LMF2: variants seen among roughly 807,000 people sequenced by gnomAD.
The protein encoded by LMF2 is lipase maturation factor 2, also known as transmembrane protein 112B.
LMF2 carries 113 observed loss-of-function variants against 81.5 expected under a neutral mutation model. That is an observed-to-expected ratio of 1.39 (90% CI 1.19 to 1.62). LMF2 has a LOEUF of 1.62. LMF2 is among the 40% of genes most tolerant of loss of function. The pLI, the probability that LMF2 is intolerant of heterozygous loss-of-function variation, is 0.00. For synonymous variants in LMF2, 645 were observed against 424.5 expected (o/e 1.52, Z -6.39); for missense variants, 1,235 against 929.1 (o/e 1.33, Z -4.28).
chr22:50,505,107 G>A lies in LMF2; in HGVS notation c.1204C>T (p.Gln402Ter), dbSNP rs145616623. 3.7e-6 allele frequency: 6 copies of A among 1,612,844 alleles called. No individual in the cohort carries two copies. Among genetic ancestry groups the A allele is most frequent in the East Asian group, 4.5e-5 (2 of 44,892 alleles). Residue 402 changes from glutamine to a stop codon, truncating the protein, a stop_gained, in exon 9 of 14, where the codon CAA becomes TAA. Transcript: ENST00000474879. LOFTEE classifies it high-confidence loss of function. ...GWLRKLSAVV[Q>*]LSLVGTATVA... ...GTCGCAGTGCCCACAAGGGACAGTT[G>A]GACTACAGCACTGAGCTTCCGTAGC...
Position 50,504,695 on chromosome 22 carries a change from C to T in LMF2, c.1470G>A (p.Leu490=), listed in dbSNP as rs540637880. 247 of 1,610,070 alleles carry T rather than the reference C, an allele frequency of 1.5e-4. 1 individual carries two copies. The South Asian group carries it at 2.6e-3, about 17-fold the overall frequency. The part of the protein sequence containing the change: ...EIEFMYKPGN[L]SRPPPVVVPH... ...GCACCACAACCGGGGGCGGCCGGCT[C>T]AGGTTCCCAGGCTTGTACATGAACT... is the stretch of plus-strand genomic sequence containing the variant. Residue 490 remains leucine, a synonymous_variant, in exon 11 of 14, where the codon CTG becomes CTA. Coordinates refer to ENST00000474879, the MANE Select transcript of LMF2 (RefSeq NM_033200.3).
Position 50,504,021 on chromosome 22 carries a change from C to A in LMF2, c.1719-117G>T. Reference sequence around the variant, plus strand: ...TCACGCTCCACATCCCCCCCTGGTGCCCGGCCTTACCCCTGCACCCCGGGC... The same window carrying A: ...TCACGCTCCACATCCCCCCCTGGTGACCGGCCTTACCCCTGCACCCCGGGC... On this transcript the variant is annotated intron_variant, in intron 12 of 13. Transcript: ENST00000474879. The A allele has an allele frequency of 4.2e-6, 4 of 960,640 alleles. No individual in the cohort carries two copies. In the South Asian group the frequency reaches 6.4e-5, roughly 15 times the overall value. 59.5% of individuals were successfully genotyped at this position (960,640 alleles called of 1,614,324 possible).
intron 1 of LMF2, 187 bp from the exon 2 acceptor site, chr22:50,507,222 C>G: frequency 3.1e-6 from 3 of 959,496 alleles, no homozygotes; most frequent in Non-Finnish European, 4.5e-6. Context: ...CGTCCCAGGG[C>G]TAGAGGCCTG....
chr22:50,507,422 C>T (rs993107360), intron 1 of LMF2, among the ~76,000 whole-genome samples, 160 bp downstream of exon 1: 1 of 152,164 alleles, frequency 6.6e-6, no homozygotes, highest in Admixed American at 6.5e-5. Flanking sequence ...CACCTTCCTA[C>T]CCCCACAGCG....
rs577262680 is a variant in LMF2 at position 50,506,325 on chromosome 22, G to A, written c.555C>T (p.Val185=). ...LFRLMFASGV[V]KLTSRCPAWW... ...ACGCAGGGCAGCGGCTGGTCAGCTTGACCACGCCTGAGGCGAACATGAGGC... is the reference window on the plus strand; with the variant it reads ...ACGCAGGGCAGCGGCTGGTCAGCTTAACCACGCCTGAGGCGAACATGAGGC... Residue 185 remains valine (V), a synonymous_variant, in exon 4 of 14, where the codon GTC becomes GTT. Coordinates refer to ENST00000474879, the MANE Select transcript of LMF2 (RefSeq NM_033200.3). 5.5e-5 allele frequency: 86 copies of A among 1,549,612 alleles called. No individual in the cohort carries two copies. In the South Asian group the frequency reaches 9.9e-4, roughly 18 times the overall value.
Position 50,506,272 on chromosome 22 carries a change from C to G in LMF2, c.595+13G>C. ...GCCCCCAGACTACCCCAGGTCCAGA[C>G]CGGGCCCCTCACCAGTGAGCCCCCA... On this transcript the variant is annotated intron_variant, in intron 4 of 13. Coordinates refer to ENST00000474879, the MANE Select transcript of LMF2 (RefSeq NM_033200.3). 1.3e-6 allele frequency: 2 copies of G among 1,548,634 alleles called. No homozygotes were observed. The highest frequency in any genetic ancestry group is 1.7e-6 in the Non-Finnish European group (2 of 1,145,926).
rs374635827 is a variant in LMF2, at chr22:50,507,494, C to T, written c.94+88G>A. The T allele has an allele frequency of 2.5e-5, 27 of 1,082,936 alleles. No homozygotes were observed. The East Asian group carries it at 4.7e-4, about 19-fold the overall frequency. 67.1% of individuals were successfully genotyped at this position (1,082,936 alleles called of 1,614,324 possible). A position where few individuals can be genotyped will look rare whatever the true frequency, so the allele number is the denominator to read the frequency against. ...CCAAGGCCTGGCCCTCACTCCCAACCCCGGACTGCGTGAGTGCCGGGCACA... is the reference window on the plus strand; with the variant it reads ...CCAAGGCCTGGCCCTCACTCCCAACTCCGGACTGCGTGAGTGCCGGGCACA... On this transcript the variant is annotated intron_variant, in intron 1 of 13. Transcript: ENST00000474879.
Position 50,505,455 on chromosome 22 carries a change from G to C in LMF2, c.999C>G (p.His333Gln). The change falls in exon 7 of 14, where the codon CAC (histidine) becomes CAG (glutamine). Residue 333 changes from histidine to glutamine, a missense_variant. Coordinates refer to ENST00000474879, the MANE Select transcript of LMF2 (RefSeq NM_033200.3). ...VYGLLAYGTV[H>Q]YFGLEVDWQQ... The stretch of plus-strand genomic sequence containing the variant: ...GCCAGTCAACCTCCAGGCCAAAGTA[G>C]TGCACAGTGCCATAGGCCAGAAGCC... 6.2e-7 allele frequency: 1 copy of C among 1,613,056 alleles called. No homozygotes were observed.
Position 50,506,175 on chromosome 22 carries a change from G to GCGTGGGCAGGCACTGGGTCT in LMF2, c.614_633dup (p.Pro212ArgfsTer30). 1 of 1,563,256 alleles carries GCGTGGGCAGGCACTGGGTCT rather than the reference G, an allele frequency of 6.4e-7. No homozygotes were observed. The highest frequency in any genetic ancestry group is 8.7e-7 in the Non-Finnish European group (1 of 1,153,912). On this transcript the variant is annotated frameshift_variant, in exon 5 of 14. Transcript: ENST00000474879. LOFTEE classifies it high-confidence loss of function. ...AGGTGGTGTGCGAACCAGGCGGCGG[G>GCGTGGGCAGGCACTGGGTCT]CGTGGGCAGGCACTGGGTCTCGTAG...
intron 1 of LMF2, 48 bp from the exon 2 acceptor site, chr22:50,507,083 T>G: frequency 6.5e-7 from 1 of 1,545,706 alleles, no homozygotes; most frequent in Non-Finnish European, 8.7e-7. Context: ...CCTTGCAGAC[T>G]AGACTACCTC....
In LMF2 at chr22:50,505,444, A is replaced by G. The variant is rs747797641; in HGVS notation, c.1010T>C (p.Leu337Pro). The part of the protein sequence containing the change: ...LAYGTVHYFG[L>P]EVDWQQRTIH... ...GGTGCGCTGCTGCCAGTCAACCTCCAGGCCAAAGTAGTGCACAGTGCCATA... is the reference window on the plus strand; with the variant it reads ...GGTGCGCTGCTGCCAGTCAACCTCCGGGCCAAAGTAGTGCACAGTGCCATA... The change falls in exon 7 of 14, where the codon CTG becomes CCG. Residue 337 changes from leucine to proline, a missense_variant. Leu to Pro is a moderately conservative substitution (Grantham distance 98). Coordinates refer to ENST00000474879, the MANE Select transcript of LMF2 (RefSeq NM_033200.3). 2.6e-5 allele frequency: 42 copies of G among 1,613,066 alleles called. No homozygotes were observed. Among genetic ancestry groups the G allele is most frequent in the Non-Finnish European group, 3.5e-5 (41 of 1,180,020 alleles).
chr22:50,505,787 GTGATGA>G lies in LMF2; in HGVS notation c.797_802del (p.Ile266_Ile267del). 1 of 1,613,228 alleles carries G rather than the reference GTGATGA, an allele frequency of 6.2e-7. No individual in the cohort carries two copies. Among genetic ancestry groups the G allele is most frequent in the Non-Finnish European group, 8.5e-7 (1 of 1,179,944 alleles). ...CAGGTTGAAGAAGTTGTAGTTGCCG[GTGATGA>G]TAATCAGGACCTGCAGCAGCACCTG... On this transcript the variant is annotated inframe_deletion, in exon 6 of 14. Coordinates refer to ENST00000474879, the MANE Select transcript of LMF2 (RefSeq NM_033200.3).
intron 1 of LMF2, 37 bp downstream of exon 1, chr22:50,507,545 G>T: frequency 6.9e-7 from 1 of 1,446,764 alleles, no homozygotes; most frequent in Non-Finnish European, 9.5e-7. Context: ...AGGGTCCCGC[G>T]CCGAGGCTGG....
Position 50,506,676 on chromosome 22 carries a change from G to A in LMF2, c.349-10C>T, listed in dbSNP as rs755878592. Reference sequence around the variant, plus strand: ...GGAACACCTGGCCCACCTGCGGAGAGAGGGGCTGTCAGGGAGCGGGTGTGT... The same window carrying A: ...GGAACACCTGGCCCACCTGCGGAGAAAGGGGCTGTCAGGGAGCGGGTGTGT... On this transcript the variant is annotated splice_polypyrimidine_tract_variant and intron_variant, in intron 2 of 13. Coordinates refer to ENST00000474879, the MANE Select transcript of LMF2 (RefSeq NM_033200.3). 3.1e-6 allele frequency: 5 copies of A among 1,613,736 alleles called. No homozygotes were observed. The highest frequency in any genetic ancestry group is 2.2e-5 in the South Asian group (2 of 91,082).
Position 50,504,614 on chromosome 22 carries a change from C to G in LMF2, c.1551G>C (p.Thr517=), listed in dbSNP as rs5770849. 1 of 1,606,504 alleles carries G rather than the reference C, an allele frequency of 6.2e-7. No individual in the cohort carries two copies. The highest frequency in any genetic ancestry group is 8.5e-7 in the Non-Finnish European group (1 of 1,179,158). The change falls in exon 11 of 14, where the codon ACG becomes ACC. Residue 517 remains threonine, a synonymous_variant. Transcript: ENST00000474879. ...QMWFAALGPH[T]HSPWFTSLVL... is the part of the protein sequence containing the mutation. ...CCAGGCTTGTGAACCACGGGCTGTG[C>G]GTGTGTGGGCCCAGGGCTGCAAACC... is the stretch of plus-strand genomic sequence containing the variant.
chr22:50,504,329 C>G lies in LMF2; in HGVS notation c.1718+11G>C, dbSNP rs183650051. The G allele has an allele frequency of 1.0e-5, 16 of 1,603,432 alleles. No individual in the cohort carries two copies. Among genetic ancestry groups the G allele is most frequent in the Non-Finnish European group, 1.4e-5 (16 of 1,174,138 alleles). On this transcript the variant is annotated intron_variant, in intron 12 of 13. Coordinates refer to ENST00000474879, the MANE Select transcript of LMF2 (RefSeq NM_033200.3). ...CCCGGGCTCCACACCCCACCCGGTG[C>G]CCAGCCTTACCCCTGCTCCCCAGGC...
intron 1 of LMF2, chr22:50,507,298 G>T (rs1027823528): frequency 4.9e-6 from 3 of 614,830 alleles, no homozygotes; most frequent in Non-Finnish European, 8.5e-6. Flanking sequence ...GTCTCAGCCC[G>T]ATCTCCTACC....
In LMF2 at chr22:50,504,861, C is replaced by T. The variant is rs750972806; in HGVS notation, c.1378G>A (p.Gly460Arg). 1 of 1,611,384 alleles carries T rather than the reference C, an allele frequency of 6.2e-7. No individual in the cohort carries two copies. Residue 460 changes from glycine (G) to arginine (R), a missense_variant, in exon 10 of 14, where the codon GGG (glycine) becomes AGG (arginine). By Grantham distance (125) the Gly-to-Arg change is moderately radical. Coordinates refer to ENST00000474879, the MANE Select transcript of LMF2 (RefSeq NM_033200.3). ...ACCACCTCAGGCCGTCCACCAAGCCCAGTCATGCGGCGGAAGAGGCCGTAG... is the reference window on the plus strand; with the variant it reads ...ACCACCTCAGGCCGTCCACCAAGCCTAGTCATGCGGCGGAAGAGGCCGTAG... ...NSYGLFRRMT[G>R]LGGRPEVVLE... is the part of the protein sequence containing the mutation.
chr22:50,503,272 C>G lies in LMF2; in HGVS notation c.*119G>C, dbSNP rs1342828692. ...CCTGCAAACCCCAGGGGCAGCCCCC[C>G]AACCTGTGCCTGGCCCTGCAGGGTC... On this transcript the variant is annotated 3_prime_UTR_variant, in exon 14 of 14. Transcript: ENST00000474879. 1.3e-5 allele frequency: 15 copies of G among 1,120,420 alleles called. No homozygotes were observed. In the Admixed American group the frequency reaches 2.2e-4, roughly 17 times the overall value. The allele number at this position is 1,120,420 out of a possible 1,614,324, so 69.4% of individuals were successfully genotyped here.
Sources: allele counts gnomAD v4.1 joint callset (sites outside exome capture counted in the v4.1 genomes callset), GRCh38; gene constraint gnomAD v4.1.1; transcripts MANE v1.5; gene names NCBI Gene and HGNC (gene_info 2026-07-23, HGNC 2026-07-21).